WWC1: variants seen among roughly 807,000 people sequenced by gnomAD.
The protein encoded by WWC1 is protein KIBRA.
Under a neutral mutation model 138.4 loss-of-function variants are expected in WWC1, and 55 were observed. That is an observed-to-expected ratio of 0.40 (90% CI 0.32 to 0.50). The LOEUF (loss-of-function observed/expected upper bound fraction) is 0.50. WWC1 is among the 20% of genes least tolerant of loss of function. The pLI is 0.72. For synonymous variants in WWC1, 524 were observed against 564.9 expected (o/e 0.93, Z 1.03); for missense variants, 1,226 against 1,420.4 (o/e 0.86, Z 2.20).
chr5:168,404,260 C>T (rs1488768326), intron 5 of WWC1, among the ~76,000 whole-genome samples: 4 of 152,230 alleles, frequency 2.6e-5, no homozygotes, highest in African/African-American at 9.6e-5. Context: ...TGCCCATCTG[C>T]AGCAGGGCCA....
At chr5:168,363,689 A>C (rs986654304) in intron 1 of WWC1, among the ~76,000 whole-genome samples, 3 of 152,140 alleles carry the variant, frequency 2.0e-5, no homozygotes, top group South Asian at 2.1e-4. Flanking sequence ...AACTCATCCT[A>C]ACAGCCAATG....
At chr5:168,321,246 C>T (rs1374405559) in intron 1 of WWC1, among the ~76,000 whole-genome samples, 1 of 152,118 alleles carries the variant, frequency 6.6e-6, no homozygotes, top group Non-Finnish European at 1.5e-5. Flanking sequence ...CTTCCCAGAG[C>T]GGATTTCCAA....
intron 1 of WWC1, among the ~76,000 whole-genome samples, chr5:168,313,000 G>T (rs1771252884): frequency 6.6e-6 from 1 of 151,692 alleles, no homozygotes; most frequent in Non-Finnish European, 1.5e-5. Context: ...TGGAGACAGG[G>T]TTTCGTCATG....
Position 168,364,620 on chromosome 5 carries a change from A to G in WWC1, c.120-6804A>G, listed in dbSNP as rs1048329526. ...GTGCCTAGCATGGGCCTGGAGTGCC[A>G]TACTCACTTGATAAATGCTTGTTGC... On this transcript the variant is annotated intron_variant, in intron 1 of 22. Coordinates refer to ENST00000265293, the MANE Select transcript of WWC1 (RefSeq NM_015238.3). Among the ~76,000 whole-genome samples, 3 of 152,216 alleles carry G rather than the reference A, an allele frequency of 2.0e-5. No homozygotes were observed. The East Asian group carries it at 5.8e-4, about 29-fold the overall frequency.
chr5:168,430,056 C>A, intron 13 of WWC1, 81 bp from the exon 14 acceptor site: 2 of 1,176,558 alleles, frequency 1.7e-6, no homozygotes, highest in Middle Eastern at 3.8e-4. Context: ...CAGCCACGTC[C>A]TGTGACTTTT....
At chr5:168,442,439 CAAA>C (rs11430085) in intron 16 of WWC1, among the ~76,000 whole-genome samples, 1 of 97,258 alleles carries the variant, frequency 1.0e-5, no homozygotes, top group Non-Finnish European at 2.0e-5. Flanking sequence ...CTTGTCTCTA[CAAA>C]AAAAAAAAAA....
At chr5:168,312,887 C>T (rs1771243902) in intron 1 of WWC1, among the ~76,000 whole-genome samples, 1 of 149,908 alleles carries the variant, frequency 6.7e-6, no homozygotes, top group South Asian at 2.1e-4. Flanking sequence ...ATGATCTCTG[C>T]AACCTCCATC....
intron 20 of WWC1, among the ~76,000 whole-genome samples, chr5:168,464,489 T>G (rs1757080696): frequency 6.6e-6 from 1 of 152,140 alleles, no homozygotes; most frequent in African/African-American, 2.4e-5. Flanking sequence ...CTCCTAGGTT[T>G]GTGAAAATGA....
intron 1 of WWC1, among the ~76,000 whole-genome samples, chr5:168,293,979 C>G (rs1769297244): frequency 6.6e-6 from 1 of 151,750 alleles, no homozygotes. Context: ...TTTCTCTTGT[C>G]CTTTTCTCAG....
At chr5:168,464,618 C>A in intron 20 of WWC1, 111 bp from the exon 21 acceptor site, 1 of 1,480,398 alleles carries the variant, frequency 6.8e-7, no homozygotes, top group Non-Finnish European at 9.0e-7. Flanking sequence ...AAGCCCCATT[C>A]GGAAGGAGTG....
At chr5:168,324,221 G>A (rs1322373755) in intron 1 of WWC1, among the ~76,000 whole-genome samples, 5 of 152,294 alleles carry the variant, frequency 3.3e-5, no homozygotes, top group Non-Finnish European at 5.9e-5. Context: ...GGATCATGAC[G>A]TCAGGAGTTT....
rs749838202 is a variant in WWC1, at chr5:168,460,620, G to A, written c.2824-30G>A. ...ACCTTCCAGAATGCACTCTGACCATGTTTAAGATTCCATGACTTTTCTCTT... is the reference window on the plus strand; with the variant it reads ...ACCTTCCAGAATGCACTCTGACCATATTTAAGATTCCATGACTTTTCTCTT... On this transcript the variant is annotated intron_variant, in intron 19 of 22. Transcript: ENST00000265293. The A allele has an allele frequency of 1.9e-6, 3 of 1,611,508 alleles. No homozygotes were observed. The African/African-American group carries it at 4.0e-5, about 22-fold the overall frequency.
intron 1 of WWC1, among the ~76,000 whole-genome samples, chr5:168,355,970 T>C (rs967278827): frequency 1.3e-5 from 2 of 151,476 alleles, no homozygotes; most frequent in Admixed American, 6.6e-5. Flanking sequence ...TCAGTGATTC[T>C]CTTGGGGGGG....
intron 1 of WWC1, among the ~76,000 whole-genome samples, chr5:168,314,755 G>T (rs1771423621): frequency 6.6e-6 from 1 of 152,152 alleles, no homozygotes. Context: ...CTGGGTACAG[G>T]TGGGGACAAG....
intron 2 of WWC1, among the ~76,000 whole-genome samples, chr5:168,376,210 T>C (rs1026572596): frequency 6.6e-6 from 1 of 152,034 alleles, no homozygotes; most frequent in Non-Finnish European, 1.5e-5. Context: ...TGTGCCATCA[T>C]GCCTAGCTAA....
intron 8 of WWC1, among the ~76,000 whole-genome samples, chr5:168,413,132 C>A (rs1482470939): frequency 6.6e-6 from 1 of 152,168 alleles, no homozygotes; most frequent in Non-Finnish European, 1.5e-5. Context: ...AGTCCAGAGG[C>A]CTCTGGTCTC....
chr5:168,324,202 G>A (rs1425067318), intron 1 of WWC1, among the ~76,000 whole-genome samples: 1 of 152,232 alleles, frequency 6.6e-6, no homozygotes, highest in East Asian at 1.9e-4. Flanking sequence ...TTGGGAGGCT[G>A]AGGCGAGCGG....
intron 1 of WWC1, among the ~76,000 whole-genome samples, chr5:168,350,827 A>C (rs556737993): frequency 6.6e-6 from 1 of 152,164 alleles, no homozygotes; most frequent in East Asian, 1.9e-4. Context: ...AATTTTTGCC[A>C]ATAGAAGTAA....
At chr5:168,386,151 C>A (rs1778027750) in intron 3 of WWC1, among the ~76,000 whole-genome samples, 1 of 152,158 alleles carries the variant, frequency 6.6e-6, no homozygotes, top group Non-Finnish European at 1.5e-5. Context: ...TTCAGGTCAT[C>A]ACCTCTGAGA....
Sources: gnomAD v4.1 joint callset for allele counts (sites outside exome capture counted in the v4.1 genomes callset) on GRCh38, gnomAD v4.1.1 for gene constraint, MANE v1.5 for transcripts, NCBI Gene and HGNC (gene_info 2026-07-23, HGNC 2026-07-21) for gene names.